Variants in ITCH observed in about 807,000 individuals in gnomAD.
ITCH encodes itchy E3 ubiquitin protein ligase.
Under a neutral mutation model 126.8 loss-of-function variants are expected in ITCH, and 28 were observed. The observed-to-expected ratio is 0.22, with a 90% confidence interval of 0.16 to 0.30. The LOEUF (loss-of-function observed/expected upper bound fraction) is 0.30, where lower values mean the gene tolerates loss of function less well. ITCH is among the 10% of genes least tolerant of loss of function. The probability of loss-of-function intolerance (pLI) is 1.00; values close to 1 mark genes in which losing one functional copy is unlikely to be tolerated. For missense variants in ITCH, 631 were observed against 1,032.4 expected (o/e 0.61, Z 5.33); for synonymous variants, 342 against 340.0 (o/e 1.01, Z -0.06).
At chr20:34,378,158 A>T (rs1413828968) in intron 2 of ITCH, among the ~76,000 whole-genome samples, 1 of 152,050 alleles carries the variant, frequency 6.6e-6, no homozygotes, top group African/African-American at 2.4e-5. Flanking sequence ...AGTATTAAGA[A>T]TATCTGAGAT....
intron 3 of ITCH, 104 bp downstream of exon 3, chr20:34,393,985 A>G: frequency 9.2e-7 from 1 of 1,092,798 alleles, no homozygotes; most frequent in Non-Finnish European, 1.4e-6. Flanking sequence ...TAATCCCAGC[A>G]CTTTGGGAGG....
rs945387909 is a variant in ITCH, at chr20:34,440,261, T to A, written c.786T>A (p.Ser262=). 6.2e-7 allele frequency: 1 copy of A among 1,614,024 alleles called. No individual in the cohort carries two copies. Among genetic ancestry groups the A allele is most frequent in the Non-Finnish European group, 8.5e-7 (1 of 1,179,850 alleles). The change falls in exon 9 of 25, where the codon TCT becomes TCA. Residue 262 remains serine (S), a synonymous_variant. Transcript: ENST00000374864. The part of the protein sequence containing the change: ...TNTNTSEGAT[S]GLIIPLTISG... ...CAAATACATCTGAAGGAGCAACATC[T>A]GGATTAATAATTCCTCTTACTATAT...
intron 24 of ITCH, among the ~76,000 whole-genome samples, chr20:34,506,443 G>C (rs1454405373): frequency 6.6e-6 from 1 of 152,176 alleles, no homozygotes; most frequent in Non-Finnish European, 1.5e-5. Context: ...GTTAGGAACT[G>C]GGCTGCACAG....
Position 34,479,805 on chromosome 20 carries a change from G to A in ITCH, c.1818+16G>A. Reference sequence around the variant, plus strand: ...TATTGCCATGGTAAGTGCAGGTCAAGAATTATGTTTACTTTGCTTATTCAG... The same window carrying A: ...TATTGCCATGGTAAGTGCAGGTCAAAAATTATGTTTACTTTGCTTATTCAG... On this transcript the variant is annotated intron_variant, in intron 18 of 24. Coordinates refer to ENST00000374864, the MANE Select transcript of ITCH (RefSeq NM_031483.7). 1 of 1,610,192 alleles carries A rather than the reference G, an allele frequency of 6.2e-7. No individual in the cohort carries two copies. Among genetic ancestry groups the A allele is most frequent in the Non-Finnish European group, 8.5e-7 (1 of 1,177,404 alleles).
At chr20:34,374,577 A>T (rs1286903089) in intron 2 of ITCH, among the ~76,000 whole-genome samples, 1 of 152,192 alleles carries the variant, frequency 6.6e-6, no homozygotes, top group Non-Finnish European at 1.5e-5. Flanking sequence ...TAAATCATTC[A>T]GTAAACCTAT....
chr20:34,475,712 G>A (rs1322433500), intron 16 of ITCH, among the ~76,000 whole-genome samples: 2 of 151,156 alleles, frequency 1.3e-5, no homozygotes, highest in Non-Finnish European at 3.0e-5. Flanking sequence ...GCAGGGGCAG[G>A]GGCAGGGGCA....
intron 2 of ITCH, among the ~76,000 whole-genome samples, chr20:34,381,357 A>G (rs920191789): frequency 1.3e-5 from 2 of 151,220 alleles, no homozygotes; most frequent in Admixed American, 1.3e-4. Context: ...ATCTCAGCTC[A>G]CTGCAGCCTC....
intron 7 of ITCH, among the ~76,000 whole-genome samples, chr20:34,429,145 G>A (rs1981950282): frequency 6.6e-6 from 1 of 152,010 alleles, no homozygotes; most frequent in Non-Finnish European, 1.5e-5. Context: ...CACCATGTTG[G>A]CCAGGTTGGT....
At chr20:34,461,555 A>G (rs1986501282) in intron 13 of ITCH, among the ~76,000 whole-genome samples, 1 of 152,036 alleles carries the variant, frequency 6.6e-6, no homozygotes, top group Non-Finnish European at 1.5e-5. Flanking sequence ...CTAAAAATAC[A>G]AAAATTAGCT....
At chr20:34,455,496 G>A (rs1458771447) in intron 12 of ITCH, among the ~76,000 whole-genome samples, 9 of 148,444 alleles carry the variant, frequency 6.1e-5, no homozygotes, top group African/African-American at 1.5e-4. Context: ...TTTTTGAGAC[G>A]GAGTCTTGCT....
At position 34,507,752 on chromosome 20, in the gene ITCH, G is replaced by C; in HGVS notation, c.2547G>C (p.Leu849=). The change falls in exon 25 of 25, where the codon CTG becomes CTC. Residue 849 remains leucine (L), a synonymous_variant. Transcript: ENST00000374864. The stretch of plus-strand genomic sequence containing the variant: ...GCTATGAGCAACTGAAGGAAAAGCT[G>C]TTGTTTGCCATAGAAGAAACAGAAG... ...YKSYEQLKEK[L]LFAIEETEGF... 3 of 1,613,932 alleles carry C rather than the reference G, an allele frequency of 1.9e-6. No individual in the cohort carries two copies. Among genetic ancestry groups the C allele is most frequent in the Non-Finnish European group, 2.5e-6 (3 of 1,179,856 alleles).
chr20:34,465,029 G>A (rs1013624921), intron 14 of ITCH, among the ~76,000 whole-genome samples: 1 of 152,048 alleles, frequency 6.6e-6, no homozygotes, highest in African/African-American at 2.4e-5. Context: ...TTTAATTTTA[G>A]CTCTTACATT....
At chr20:34,409,391 A>G (rs1051002085) in intron 4 of ITCH, among the ~76,000 whole-genome samples, 1 of 151,966 alleles carries the variant, frequency 6.6e-6, no homozygotes, top group African/African-American at 2.4e-5. Context: ...GGTGCCAGTT[A>G]TACTATAGTT....
intron 3 of ITCH, among the ~76,000 whole-genome samples, chr20:34,394,357 G>T (rs914403583): frequency 1.1e-4 from 17 of 151,210 alleles, no homozygotes; most frequent in African/African-American, 3.9e-4. Flanking sequence ...ATATTTTACA[G>T]TTTTTTTTTC....
At chr20:34,382,997 C>T (rs1433703515) in intron 2 of ITCH, among the ~76,000 whole-genome samples, 3 of 152,000 alleles carry the variant, frequency 2.0e-5, no homozygotes, top group African/African-American at 7.2e-5. Flanking sequence ...CTGCCTCGGC[C>T]TCCCAAAATG....
At chr20:34,391,527 G>A (rs1364952072) in intron 2 of ITCH, among the ~76,000 whole-genome samples, 1 of 152,104 alleles carries the variant, frequency 6.6e-6, no homozygotes, top group African/African-American at 2.4e-5. Flanking sequence ...ATAGTAATCT[G>A]TTCTGTGGTA....
chr20:34,367,712 G>T (rs2122955604), intron 1 of ITCH, among the ~76,000 whole-genome samples: 1 of 152,192 alleles, frequency 6.6e-6, no homozygotes, highest in East Asian at 1.9e-4. Flanking sequence ...TTTCTGTTTT[G>T]TTGTTGTTTG....
chr20:34,495,316 T>TATATACAC (rs796826383), intron 23 of ITCH, among the ~76,000 whole-genome samples: 39 of 132,200 alleles, frequency 3.0e-4, no homozygotes, highest in South Asian at 7.5e-4. Context: ...TATATATATA[T>TATATACAC]ACACACGCAC....
At chr20:34,373,348 T>C (rs1294945479) in intron 2 of ITCH, among the ~76,000 whole-genome samples, 2 of 151,704 alleles carry the variant, frequency 1.3e-5, no homozygotes, top group Non-Finnish European at 2.9e-5. Context: ...TAATCTTGGC[T>C]CACTGCAACC....
Sources: allele counts gnomAD v4.1 joint callset (sites outside exome capture counted in the v4.1 genomes callset), GRCh38; gene constraint gnomAD v4.1.1; transcripts MANE v1.5; gene names NCBI Gene and HGNC (gene_info 2026-07-23, HGNC 2026-07-21).